Variants in LDB2 observed in about 807,000 individuals in gnomAD.
The protein encoded by LDB2 is LIM domain-binding protein 2.
In LDB2, 12 loss-of-function variants were observed where a neutral mutation model predicts 44.3. The observed-to-expected ratio is 0.27, with a 90% CI of 0.17 to 0.44. The LOEUF is 0.44. LDB2 is among the 20% of genes least tolerant of loss of function. The pLI, the probability that LDB2 is intolerant of heterozygous loss-of-function variation, is 1.00. For missense variants in LDB2, 344 were observed against 473.5 expected (o/e 0.73, Z 2.54); for synonymous variants, 164 against 174.8 (o/e 0.94, Z 0.49).
At chr4:16,768,295 T>G in intron 1 of LDB2, among the ~76,000 whole-genome samples, 1 of 152,194 alleles carries the variant, frequency 6.6e-6, no homozygotes, top group East Asian at 1.9e-4. Flanking sequence ...CTTCAGTATC[T>G]TGTGGTTCTA....
At chr4:16,658,848 A>G (rs1310741950) in intron 2 of LDB2, among the ~76,000 whole-genome samples, 1 of 152,198 alleles carries the variant, frequency 6.6e-6, no homozygotes. Flanking sequence ...AGAGGAGGAC[A>G]GTAAGGCTCA....
chr4:16,682,395 C>T (rs1748169871), intron 2 of LDB2, among the ~76,000 whole-genome samples: 1 of 152,228 alleles, frequency 6.6e-6, no homozygotes, highest in African/African-American at 2.4e-5. Context: ...GCTGGCTCCT[C>T]CCTCATTTAC....
chr4:16,611,036 C>A (rs1202616890), intron 2 of LDB2, among the ~76,000 whole-genome samples: 1 of 152,122 alleles, frequency 6.6e-6, no homozygotes, highest in African/African-American at 2.4e-5. Flanking sequence ...ACTCTACAAG[C>A]CAGAAGAGAT....
chr4:16,897,944 A>ATG (rs1288244812), intron 1 of LDB2, among the ~76,000 whole-genome samples: 14 of 17,116 alleles, frequency 8.2e-4, no homozygotes, highest in South Asian at 5.7e-3. Flanking sequence ...ATATACACAT[A>ATG]TGTATATATA....
At chr4:16,854,610 C>T (rs981065428) in intron 1 of LDB2, among the ~76,000 whole-genome samples, 4 of 150,974 alleles carry the variant, frequency 2.6e-5, no homozygotes, top group African/African-American at 7.3e-5. Context: ...TACCAATTCC[C>T]TTTCCCTAGG....
chr4:16,767,571 G>A (rs1168228848), intron 1 of LDB2, among the ~76,000 whole-genome samples: 1 of 152,166 alleles, frequency 6.6e-6, no homozygotes, highest in African/African-American at 2.4e-5. Flanking sequence ...TCTGAACTGT[G>A]TGTGGCGAGT....
intron 3 of LDB2, among the ~76,000 whole-genome samples, chr4:16,592,801 G>T (rs1719593744): frequency 6.6e-6 from 1 of 151,956 alleles, no homozygotes; most frequent in Admixed American, 6.6e-5. Flanking sequence ...CTTTGTTTCA[G>T]TGTGTAAAAT....
chr4:16,614,788 C>T (rs1447763178), intron 2 of LDB2, among the ~76,000 whole-genome samples: 4 of 151,862 alleles, frequency 2.6e-5, no homozygotes, highest in East Asian at 1.9e-4. Context: ...AGTCAAGAAA[C>T]GGCCGGGCGC....
intron 5 of LDB2, among the ~76,000 whole-genome samples, chr4:16,540,863 A>T (rs1300072387): frequency 6.6e-6 from 1 of 152,142 alleles, no homozygotes; most frequent in Non-Finnish European, 1.5e-5. Context: ...TTTTATCTTT[A>T]TCCCAAATTA....
intron 1 of LDB2, among the ~76,000 whole-genome samples, chr4:16,848,965 T>A (rs1202714751): frequency 6.6e-6 from 1 of 152,180 alleles, no homozygotes; most frequent in East Asian, 1.9e-4. Flanking sequence ...AAAGCCTAAA[T>A]CAAATCACAC....
intron 2 of LDB2, among the ~76,000 whole-genome samples, chr4:16,754,172 C>T (rs925767560): frequency 1.3e-5 from 2 of 152,210 alleles, no homozygotes; most frequent in East Asian, 1.9e-4. Flanking sequence ...AATCACTGTT[C>T]CCCTCTCTAC....
In LDB2 at chr4:16,871,078, G is replaced by C. The variant is rs749626251; in HGVS notation, c.132+27276C>G. On this transcript the variant is annotated intron_variant, in intron 1 of 7. Coordinates refer to ENST00000304523, the MANE Select transcript of LDB2 (RefSeq NM_001290.5). ...TGCTAAATTTTCAGAAATTTTGTGA[G>C]ACAGCCTCTAACTTCCAATTAAACA... Among the ~76,000 whole-genome samples the C allele has an allele frequency of 9.2e-5, 14 of 152,326 alleles. No homozygotes were observed. In the East Asian group the frequency reaches 1.4e-3, roughly 15 times the overall value.
chr4:16,897,958 ATATATATATATATATACACATATG>A (rs1725787532), intron 1 of LDB2, among the ~76,000 whole-genome samples: 1 of 131,420 alleles, frequency 7.6e-6, no homozygotes, highest in Non-Finnish European at 1.6e-5. Flanking sequence ...ATATATATAT[ATATATATATATATATACACATATG>A]TATATATATA....
At chr4:16,583,672 C>T (rs1367822359) in intron 5 of LDB2, among the ~76,000 whole-genome samples, 1 of 152,210 alleles carries the variant, frequency 6.6e-6, no homozygotes, top group Non-Finnish European at 1.5e-5. Flanking sequence ...GATAACCACA[C>T]GGAAGCCCAT....
intron 2 of LDB2, among the ~76,000 whole-genome samples, chr4:16,666,770 G>T (rs919618442): frequency 6.6e-6 from 1 of 152,194 alleles, no homozygotes; most frequent in Non-Finnish European, 1.5e-5. Context: ...CAAATTGGAC[G>T]TGTGCCAGTC....
At chr4:16,685,607 G>T (rs189555940) in intron 2 of LDB2, among the ~76,000 whole-genome samples, 6 of 152,282 alleles carry the variant, frequency 3.9e-5, no homozygotes, top group African/African-American at 1.2e-4. Context: ...GAAGGAAGCA[G>T]ATTCGATGTC....
At chr4:16,608,810 G>C (rs535035940) in intron 2 of LDB2, among the ~76,000 whole-genome samples, 1 of 152,272 alleles carries the variant, frequency 6.6e-6, no homozygotes, top group East Asian at 1.9e-4. Flanking sequence ...TTCTGACAGG[G>C]AGAGAGGAAC....
intron 5 of LDB2, among the ~76,000 whole-genome samples, chr4:16,550,940 A>C (rs936269765): frequency 1.3e-5 from 2 of 152,260 alleles, no homozygotes; most frequent in Non-Finnish European, 2.9e-5. Context: ...GAATAAAAGC[A>C]ACAGGGATTT....
intron 1 of LDB2, among the ~76,000 whole-genome samples, chr4:16,788,639 C>G (rs1005942854): frequency 6.6e-6 from 1 of 152,158 alleles, no homozygotes; most frequent in African/African-American, 2.4e-5. Context: ...AGCACAGTAC[C>G]CAGCATGATA....
Sources: allele counts gnomAD v4.1 joint callset (sites outside exome capture counted in the v4.1 genomes callset), GRCh38; gene constraint gnomAD v4.1.1; transcripts MANE v1.5; gene names NCBI Gene and HGNC (gene_info 2026-07-23, HGNC 2026-07-21).